MED12: variants seen among roughly 807,000 people sequenced by gnomAD.
MED12 encodes the protein mediator of RNA polymerase II transcription subunit 12.
MED12 carries 10 observed loss-of-function variants against 177.7 expected under a neutral mutation model. The ratio of observed to expected loss-of-function variants is 0.06; its 90% CI spans 0.03 to 0.10. The LOEUF (loss-of-function observed/expected upper bound fraction) is 0.10. MED12 is among the 10% of genes least tolerant of loss of function. The pLI, the probability that MED12 is intolerant of heterozygous loss-of-function variation, is 1.00. For synonymous variants in MED12, 641 were observed against 678.4 expected (o/e 0.94, Z 0.86); for missense variants, 867 against 1,780.8 (o/e 0.49, Z 9.23).
At chrX:71,122,955 T>C in intron 10 of MED12, 81 bp downstream of exon 10, 1 of 1,157,155 alleles carries the variant, frequency 8.6e-7, no homozygotes, top group Non-Finnish European at 1.2e-6. Context: ...TGGTGAGGCA[T>C]TGAAAGCAGA....
In MED12 at chrX:71,140,785, G is replaced by GCAGCAA. The variant is rs758203078; in HGVS notation, c.6207_6212dup (p.Gln2075_Gln2076dup). The GCAGCAA allele has an allele frequency of 9.1e-6, 11 of 1,206,904 alleles. No homozygotes were observed. The African/African-American group carries it at 1.4e-4, about 15-fold the overall frequency. ...AGCAGCAACAGCAACAGCAGCAGCA[G>GCAGCAA]CAGCAACAGCAACAGCAGCAGCAGC... On this transcript the variant is annotated inframe_insertion, in exon 42 of 45. Transcript: ENST00000374080.
In MED12 at chrX:71,129,229, A is replaced by T; in HGVS notation, c.3577+14A>T. 1 of 1,191,237 alleles carries T rather than the reference A, an allele frequency of 8.4e-7. No homozygotes were observed. Among genetic ancestry groups the T allele is most frequent in the Non-Finnish European group, 1.1e-6 (1 of 876,923 alleles). ...AGTCTGATGGAAGTAAGTGACCCTG[A>T]TCTGAACCAGCCAACAGTAGAAAGT... On this transcript the variant is annotated intron_variant, in intron 25 of 44. Transcript: ENST00000374080.
chrX:71,134,791 G>A lies in MED12; in HGVS notation c.4806G>A (p.Ser1602=), dbSNP rs755218771. 3 of 1,209,106 alleles carry A rather than the reference G, an allele frequency of 2.5e-6. No individual in the cohort carries two copies. Among genetic ancestry groups the A allele is most frequent in the Non-Finnish European group, 3.4e-6 (3 of 895,069 alleles). The change falls in exon 35 of 45, where the codon TCG becomes TCA. Residue 1602 remains serine (S), a synonymous_variant. Transcript: ENST00000374080. ...TGGCTGCAGACATGTCTAGCATCTCGCAAGGTAGCATGGAGGAAAACAAGC... is the reference window on the plus strand; with the variant it reads ...TGGCTGCAGACATGTCTAGCATCTCACAAGGTAGCATGGAGGAAAACAAGC... ...GTLAADMSSI[S]QGSMEENKRA...
chrX:71,119,833 A>G lies in MED12; in HGVS notation c.352A>G (p.Thr118Ala). 8.3e-7 allele frequency: 1 copy of G among 1,211,440 alleles called. No homozygotes were observed. Among genetic ancestry groups the G allele is most frequent in the Non-Finnish European group, 1.1e-6 (1 of 895,329 alleles). Residue 118 changes from threonine to alanine, a missense_variant, in exon 3 of 45, where the codon ACT (threonine) becomes GCT (alanine). Around this residue, in one of 14 missense-constraint regions of MED12, gnomAD observed 42 missense variants for 129.6 expected, o/e 0.32. Coordinates refer to ENST00000374080, the MANE Select transcript of MED12 (RefSeq NM_005120.3). ...CCAGAGTGCCATTAACACTTGGTTC[A>G]CTGACTTGGCTGGCACCAAGCCACT... ...RSQSAINTWF[T>A]DLAGTKPLTQ...
intron 21 of MED12, 151 bp downstream of exon 21, chrX:71,127,618 A>G: frequency 5.6e-6 from 3 of 533,320 alleles, no homozygotes; most frequent in Non-Finnish European, 9.4e-6. Context: ...TGTGTTACCA[A>G]GAGTGGGCCC....
At position 71,141,945 on chromosome X, in the gene MED12, A is replaced by G. The variant is rs2092349374; in HGVS notation, c.6471A>G (p.Gln2157=). The change falls in exon 44 of 45, where the codon CAA becomes CAG. Residue 2157 remains glutamine, a synonymous_variant. Coordinates refer to ENST00000374080, the MANE Select transcript of MED12 (RefSeq NM_005120.3). ...QQQQTAALVR[Q]LQQQLSNTQP... ...AACAGACAGCAGCTTTGGTCCGGCA[A>G]CTTCAACAACAGCTCTCTAGTAAGC... 2 of 1,209,579 alleles carry G rather than the reference A, an allele frequency of 1.7e-6. No individual in the cohort carries two copies. The highest frequency in any genetic ancestry group is 2.2e-6 in the Non-Finnish European group (2 of 894,991).
intron 28 of MED12, among the ~76,000 whole-genome samples, chrX:71,131,130 T>G (rs908580949): frequency 2.9e-5 from 3 of 101,697 alleles, no homozygotes; most frequent in Non-Finnish European, 4.0e-5. Context: ...GTAGTCTTTT[T>G]TTTTTTTTTT....
chrX:71,131,735 A>G, intron 29 of MED12, 114 bp downstream of exon 29: 1 of 729,338 alleles, frequency 1.4e-6, no homozygotes, highest in South Asian at 2.2e-5. Flanking sequence ...GAGCTGAGAG[A>G]TAAGAGGGGA....
rs1213386538 is a variant in MED12 at position 71,125,079 on chromosome X, G to T, written c.2159G>T (p.Gly720Val). The T allele has an allele frequency of 1.7e-6, 2 of 1,208,283 alleles. No homozygotes were observed. Among genetic ancestry groups the T allele is most frequent in the African/African-American group, 3.5e-5 (2 of 56,750 alleles). The stretch of plus-strand genomic sequence containing the variant: ...CCCCCACCCAAGGAGAAGATTGAAG[G>T]GACCCTTGGGGTTCTTTACGACCAG... ...VKPPPKEKIE[G>V]TLGVLYDQPR... The change falls in exon 15 of 45, where the codon GGG becomes GTG. Residue 720 changes from glycine (G) to valine (V), a missense_variant. By Grantham distance (109) the Gly-to-Val change is moderately radical. Transcript: ENST00000374080.
At chrX:71,124,948 A>G (rs2092299046) in intron 14 of MED12, 28 bp from the exon 15 acceptor site, 5 of 1,207,615 alleles carry the variant, frequency 4.1e-6, no homozygotes, top group Non-Finnish European at 5.6e-6. Flanking sequence ...CCTTCTTCTC[A>G]TGTTCTGCTT....
Sources: gnomAD v4.1 joint callset for allele counts (sites outside exome capture counted in the v4.1 genomes callset) on GRCh38, gnomAD v4.1.1 for gene constraint, gnomAD v4.1.1 regional missense constraint, MANE v1.5 for transcripts, NCBI Gene and HGNC (gene_info 2026-07-23, HGNC 2026-07-21) for gene names.